Variants in THADA observed in about 807,000 individuals in gnomAD.
THADA encodes the protein THADA armadillo repeat containing.
THADA carries 213 observed loss-of-function variants against 219.8 expected under a neutral mutation model. The observed-to-expected ratio is 0.97, with a 90% CI of 0.87 to 1.09. The LOEUF (loss-of-function observed/expected upper bound fraction) is 1.09. THADA is among the 50% of genes least tolerant of loss of function. THADA has a pLI of 0.00. For missense variants in THADA, 2,956 were observed against 2,311.3 expected (o/e 1.28, Z -5.72); for synonymous variants, 1,018 against 828.9 (o/e 1.23, Z -3.92).
In THADA at chr2:43,292,904, A is replaced by C. The variant is rs1049195279; in HGVS notation, c.4748T>G (p.Leu1583Trp). The stretch of plus-strand genomic sequence containing the variant: ...GAACTTCTCTCCCATGTTGCACAGC[A>C]AGGGTGGCACGCCCTTCTCTCCAAG... The part of the protein sequence containing the change: ...SGLGEKGVPP[L>W]LCNMGEKFLL... The change falls in exon 32 of 38, where the codon TTG (leucine) becomes TGG (tryptophan). Residue 1583 changes from leucine (L) to tryptophan (W), a missense_variant. By Grantham distance (61) the Leu-to-Trp change is moderately conservative (BLOSUM62 -2). Coordinates refer to ENST00000405975, the MANE Select transcript of THADA (RefSeq NM_022065.5). 6.2e-7 allele frequency: 1 copy of C among 1,613,908 alleles called. No homozygotes were observed. The highest frequency in any genetic ancestry group is 8.5e-7 in the Non-Finnish European group (1 of 1,179,898).
intron 21 of THADA, among the ~76,000 whole-genome samples, chr2:43,537,795 G>T (rs1046849505): frequency 1.5e-5 from 2 of 130,438 alleles, no homozygotes; most frequent in Non-Finnish European, 3.3e-5. Context: ...GTGAGATCCC[G>T]TCTCTACAAA....
chr2:43,285,571 T>G (rs1046764226), intron 35 of THADA, among the ~76,000 whole-genome samples: 4 of 151,968 alleles, frequency 2.6e-5, no homozygotes, highest in Non-Finnish European at 4.4e-5. Flanking sequence ...CAGGTAGTTT[T>G]TTTTTTTTTT....
intron 25 of THADA, among the ~76,000 whole-genome samples, chr2:43,485,726 C>A (rs967611433): frequency 6.6e-6 from 1 of 151,992 alleles, no homozygotes; most frequent in African/African-American, 2.4e-5. Flanking sequence ...CGAGAAAATA[C>A]TTATAAAACC....
At chr2:43,459,267 C>T (rs978982733) in intron 26 of THADA, among the ~76,000 whole-genome samples, 3 of 152,184 alleles carry the variant, frequency 2.0e-5, no homozygotes, top group African/African-American at 7.2e-5. Context: ...ACTCCTCTTT[C>T]CCAAATAAAT....
chr2:43,351,742 G>A (rs1668291807), intron 29 of THADA, among the ~76,000 whole-genome samples: 1 of 152,236 alleles, frequency 6.6e-6, no homozygotes, highest in East Asian at 1.9e-4. Flanking sequence ...TGCAGCAGCA[G>A]CTGGGGTGCT....
chr2:43,440,559 C>A (rs766835708), intron 26 of THADA, among the ~76,000 whole-genome samples: 1 of 152,136 alleles, frequency 6.6e-6, no homozygotes, highest in Non-Finnish European at 1.5e-5. Flanking sequence ...CTTTCCTTGG[C>A]TTTTGATTCT....
intron 7 of THADA, among the ~76,000 whole-genome samples, chr2:43,582,240 T>C (rs914050322): frequency 3.9e-5 from 6 of 152,188 alleles, no homozygotes; most frequent in East Asian, 1.9e-4. Flanking sequence ...CTCACACTTG[T>C]AATCCCAGCA....
At chr2:43,366,551 C>A (rs1670180113) in intron 29 of THADA, among the ~76,000 whole-genome samples, 1 of 152,014 alleles carries the variant, frequency 6.6e-6, no homozygotes, top group Non-Finnish European at 1.5e-5. Flanking sequence ...GAGGAGGTAG[C>A]CAAAACACAG....
intron 17 of THADA, among the ~76,000 whole-genome samples, chr2:43,554,207 T>C (rs1466141747): frequency 6.6e-6 from 1 of 152,214 alleles, no homozygotes; most frequent in East Asian, 1.9e-4. Context: ...ATGACTGACA[T>C]CTATGTTTTC....
At chr2:43,288,191 G>A (rs1674274087) in intron 34 of THADA, among the ~76,000 whole-genome samples, 1 of 152,248 alleles carries the variant, frequency 6.6e-6, no homozygotes, top group Non-Finnish European at 1.5e-5. Flanking sequence ...GGCCAAGGCA[G>A]GTGGATCACC....
intron 26 of THADA, among the ~76,000 whole-genome samples, chr2:43,438,981 T>C (rs577429657): frequency 1.3e-5 from 2 of 152,354 alleles, no homozygotes; most frequent in South Asian, 4.1e-4. Flanking sequence ...TGAGATTTTA[T>C]CATGTGAGAT....
rs376289911 is a variant in THADA, at chr2:43,497,750, T to C, written c.3744+1083A>G. On this transcript the variant is annotated intron_variant, in intron 25 of 37. Transcript: ENST00000405975. ...AAATACAAAAATTAGCTGGGTGTGG[T>C]GGCATCCACTTGTAGTCCCAGCTAC... Among the ~76,000 whole-genome samples the C allele has an allele frequency of 5.8e-4, 88 of 152,216 alleles. No individual in the cohort carries two copies. In the East Asian group the frequency reaches 0.012, roughly 21 times the overall value.
intron 17 of THADA, among the ~76,000 whole-genome samples, chr2:43,554,474 AAAC>A (rs1338272423): frequency 6.6e-6 from 1 of 152,228 alleles, no homozygotes; most frequent in Non-Finnish European, 1.5e-5. Flanking sequence ...AGAAAAAGAC[AAAC>A]AACCCTACAG....
At chr2:43,270,296 C>T (rs1411540871) in intron 36 of THADA, among the ~76,000 whole-genome samples, 5 of 152,148 alleles carry the variant, frequency 3.3e-5, no homozygotes, top group Non-Finnish European at 7.4e-5. Context: ...CCTGGGATTC[C>T]CTCCCTTTAG....
chr2:43,242,105 T>G (rs1313721666), intron 36 of THADA, among the ~76,000 whole-genome samples: 3 of 152,228 alleles, frequency 2.0e-5, no homozygotes, highest in Admixed American at 2.0e-4. Context: ...CACTGGGGAC[T>G]TTTTCTCCAC....
intron 26 of THADA, among the ~76,000 whole-genome samples, chr2:43,471,874 A>G (rs953480191): frequency 1.3e-5 from 2 of 151,938 alleles, no homozygotes; most frequent in Non-Finnish European, 2.9e-5. Context: ...CTCCCTAAGA[A>G]TAAGTTGCTA....
At chr2:43,262,740 A>T (rs902960355) in intron 36 of THADA, among the ~76,000 whole-genome samples, 30 of 152,246 alleles carry the variant, frequency 2.0e-4, no homozygotes, top group African/African-American at 7.2e-4. Context: ...ATTTTTGAAG[A>T]ACATTAGGAC....
At chr2:43,441,227 T>C (rs1367765092) in intron 26 of THADA, among the ~76,000 whole-genome samples, 2 of 152,324 alleles carry the variant, frequency 1.3e-5, no homozygotes, top group East Asian at 3.9e-4. Context: ...ATACAGGAAG[T>C]GTCCTTCTAA....
At chr2:43,329,046 C>T (rs1679663104) in intron 30 of THADA, among the ~76,000 whole-genome samples, 1 of 152,158 alleles carries the variant, frequency 6.6e-6, no homozygotes, top group African/African-American at 2.4e-5. Context: ...GGGATTTGTT[C>T]AAAGCCTGGG....
Sources: allele counts gnomAD v4.1 joint callset (sites outside exome capture counted in the v4.1 genomes callset), GRCh38; gene constraint gnomAD v4.1.1; transcripts MANE v1.5; gene names NCBI Gene and HGNC (gene_info 2026-07-23, HGNC 2026-07-21).